TGFA: variants seen among roughly 807,000 people sequenced by gnomAD.
The protein encoded by TGFA is protransforming growth factor alpha.
Under a neutral mutation model 21.7 loss-of-function variants are expected in TGFA, and 12 were observed. That is an observed-to-expected ratio of 0.55 (90% CI 0.35 to 0.90). TGFA has a LOEUF of 0.90. Among genes scored for constraint, TGFA ranks in the 40% least tolerant of loss-of-function variants. TGFA has a pLI of 0.01. For synonymous variants in TGFA, 79 were observed against 88.1 expected, an observed-to-expected ratio of 0.90 and a Z score of 0.58; for missense variants, 178 against 210.8, an observed-to-expected ratio of 0.84 and a Z score of 0.96.
chr2:70,538,014 T>A (rs1482379989), intron 1 of TGFA, among the ~76,000 whole-genome samples: 1 of 152,232 alleles, frequency 6.6e-6, no homozygotes, highest in African/African-American at 2.4e-5. Context: ...GACTTTAGGT[T>A]GAAGCCAATG....
rs1574111965 is a variant in TGFA, at chr2:70,504,912, C to T, written c.94+9947G>A. ...CTGGGTTTAAATCCCAGCTCTGCCA[C>T]TTTCTAACTAGGTGACCTTGGGCAA... is the stretch of plus-strand genomic sequence containing the variant. On this transcript the variant is annotated intron_variant, in intron 2 of 5. Coordinates refer to ENST00000295400, the MANE Select transcript of TGFA (RefSeq NM_003236.4). Among the ~76,000 whole-genome samples the T allele has an allele frequency of 2.6e-5, 4 of 152,304 alleles. 1 individual carries two copies. The South Asian group carries it at 8.3e-4, about 32-fold the overall frequency.
rs1671631934 is a variant in TGFA at position 70,498,185 on chromosome 2, T to C, written c.94+16674A>G. On this transcript the variant is annotated intron_variant, in intron 2 of 5. Transcript: ENST00000295400. ...GCAGCTCATAAAAGCTGGTCTTACCTATTGCATACCTCACCTCTTAAACAG... is the reference window on the plus strand; with the variant it reads ...GCAGCTCATAAAAGCTGGTCTTACCCATTGCATACCTCACCTCTTAAACAG... Among the ~76,000 whole-genome samples, 3 of 152,256 alleles carry C rather than the reference T, an allele frequency of 2.0e-5. No homozygotes were observed. In the South Asian group the frequency reaches 6.2e-4, roughly 31 times the overall value.
chr2:70,544,679 G>C (rs561254605), intron 1 of TGFA, among the ~76,000 whole-genome samples: 1 of 152,046 alleles, frequency 6.6e-6, no homozygotes, highest in African/African-American at 2.4e-5. Context: ...TTCACAATAA[G>C]GGCAAAAATA....
chr2:70,517,136 G>A (rs561426898), intron 1 of TGFA, among the ~76,000 whole-genome samples: 33 of 152,346 alleles, frequency 2.2e-4, no homozygotes, highest in African/African-American at 6.7e-4. Context: ...CTGTGAGCTC[G>A]CAGCTGCTAA....
chr2:70,515,435 G>A (rs1430055978), intron 1 of TGFA, among the ~76,000 whole-genome samples: 4 of 152,106 alleles, frequency 2.6e-5, no homozygotes, highest in African/African-American at 9.7e-5. Context: ...AGTGTGTAAG[G>A]GAGCAAAGGA....
At chr2:70,499,728 G>C (rs1671682059) in intron 2 of TGFA, among the ~76,000 whole-genome samples, 1 of 152,166 alleles carries the variant, frequency 6.6e-6, no homozygotes, top group African/African-American at 2.4e-5. Flanking sequence ...TCCGTATGCA[G>C]AGCATTTTCA....
chr2:70,498,064 A>G (rs191048239), intron 2 of TGFA, among the ~76,000 whole-genome samples: 1 of 152,376 alleles, frequency 6.6e-6, no homozygotes, highest in African/African-American at 2.4e-5. Context: ...AGTTTACATA[A>G]CAGTAGCATT....
intron 2 of TGFA, among the ~76,000 whole-genome samples, chr2:70,480,090 T>G (rs1448330340): frequency 6.6e-6 from 1 of 152,146 alleles, no homozygotes; most frequent in Non-Finnish European, 1.5e-5. Flanking sequence ...AAGGGGAAGT[T>G]TAACTGTAGC....
At chr2:70,460,309 T>C (rs528601077) in intron 3 of TGFA, among the ~76,000 whole-genome samples, 1 of 152,202 alleles carries the variant, frequency 6.6e-6, no homozygotes, top group East Asian at 1.9e-4. Flanking sequence ...CTCTTCCTAG[T>C]TGTAATAATG....
At chr2:70,521,617 G>GTTTTTTTTTTTTTTTTTTTTTTT (rs35177436) in intron 1 of TGFA, among the ~76,000 whole-genome samples, 12 of 87,092 alleles carry the variant, frequency 1.4e-4, no homozygotes, top group Non-Finnish European at 1.6e-4. Flanking sequence ...TTGTTTGTTT[G>GTTTTTTTTTTTTTTTTTTTTTTT]TTTTTTTTTT....
At chr2:70,526,089 C>T (rs545349673) in intron 1 of TGFA, among the ~76,000 whole-genome samples, 1 of 152,300 alleles carries the variant, frequency 6.6e-6, no homozygotes, top group South Asian at 2.1e-4. Context: ...GACAGGGCCA[C>T]TCATTAGAGC....
chr2:70,482,290 C>T (rs1553495736), intron 2 of TGFA, among the ~76,000 whole-genome samples: 1 of 152,136 alleles, frequency 6.6e-6, no homozygotes, highest in Admixed American at 6.5e-5. Context: ...ATTATTCTAT[C>T]CATTTTACAG....
intron 1 of TGFA, among the ~76,000 whole-genome samples, chr2:70,525,890 T>G (rs1347429530): frequency 6.6e-6 from 1 of 152,208 alleles, no homozygotes; most frequent in Non-Finnish European, 1.5e-5. Context: ...CCGCGGATGC[T>G]AAGTTTCTGA....
chr2:70,529,599 C>CCA (rs1427020987), intron 1 of TGFA, among the ~76,000 whole-genome samples: 11 of 151,454 alleles, frequency 7.3e-5, no homozygotes, highest in South Asian at 2.1e-4. Flanking sequence ...CCCCCCGCCC[C>CCA]AGTCCTAGAA....
intron 1 of TGFA, among the ~76,000 whole-genome samples, chr2:70,543,537 A>T (rs1673198807): frequency 6.6e-6 from 1 of 151,848 alleles, no homozygotes; most frequent in East Asian, 1.9e-4. Flanking sequence ...AAAAAAAAAA[A>T]AAGAAAAAAA....
chr2:70,456,610 A>G, intron 3 of TGFA, 122 bp from the exon 4 acceptor site: 1 of 1,238,148 alleles, frequency 8.1e-7, no homozygotes, highest in Middle Eastern at 2.7e-4. Context: ...GGGCCCTGCC[A>G]GCTTTTGCAA....
At position 70,507,691 on chromosome 2, in the gene TGFA, C is replaced by T. The variant is rs529481170; in HGVS notation, c.94+7168G>A. On this transcript the variant is annotated intron_variant, in intron 2 of 5. Coordinates refer to ENST00000295400, the MANE Select transcript of TGFA (RefSeq NM_003236.4). ...CTTACTAATACTAAGGAATTCGGTT[C>T]GCTATTAATGTTAAGCTATTTCTCA... is the stretch of plus-strand genomic sequence containing the variant. Among the ~76,000 whole-genome samples, 8 of 152,328 alleles carry T rather than the reference C, an allele frequency of 5.3e-5. No individual in the cohort carries two copies. In the East Asian group the frequency reaches 5.8e-4, roughly 11 times the overall value.
chr2:70,471,119 C>A (rs1221084194), intron 2 of TGFA, among the ~76,000 whole-genome samples: 2 of 97,730 alleles, frequency 2.0e-5, no homozygotes, highest in Non-Finnish European at 3.8e-5. Flanking sequence ...ACCCCCCCCA[C>A]CATATAACCA....
intron 2 of TGFA, among the ~76,000 whole-genome samples, chr2:70,490,203 G>A (rs1231134973): frequency 6.6e-6 from 1 of 152,144 alleles, no homozygotes; most frequent in Non-Finnish European, 1.5e-5. Flanking sequence ...AAAATTTATT[G>A]AAAATAAATT....
Sources: gnomAD v4.1 joint callset for allele counts (sites outside exome capture counted in the v4.1 genomes callset) on GRCh38, gnomAD v4.1.1 for gene constraint, MANE v1.5 for transcripts, NCBI Gene and HGNC (gene_info 2026-07-23, HGNC 2026-07-21) for gene names.